Variants in RAP1GDS1 observed in about 807,000 individuals in gnomAD.
The protein encoded by RAP1GDS1 is Rap1 GTPase-GDP dissociation stimulator 1, also known as RAP1, GTP-GDP dissociation stimulator 1.
Under a neutral mutation model 71.1 loss-of-function variants are expected in RAP1GDS1, and 35 were observed. That is an observed-to-expected ratio of 0.49 (90% CI 0.38 to 0.65). The LOEUF (loss-of-function observed/expected upper bound fraction) is 0.65, where lower values mean the gene tolerates loss of function less well. Ranked by LOEUF, RAP1GDS1 falls within the 30% of genes least tolerant of loss-of-function variation. The pLI, the probability that RAP1GDS1 is intolerant of heterozygous loss-of-function variation, is 0.00. For synonymous variants in RAP1GDS1, 229 were observed against 243.1 expected (o/e 0.94, Z 0.54); for missense variants, 663 against 706.1 (o/e 0.94, Z 0.69).
intron 2 of RAP1GDS1, among the ~76,000 whole-genome samples, chr4:98,328,328 T>A (rs190754403): frequency 2.6e-5 from 4 of 152,228 alleles, no homozygotes; most frequent in Non-Finnish European, 5.9e-5. Context: ...AAAAGTAGCA[T>A]TGAGGTGCGT....
At chr4:98,387,941 A>T (rs976989314) in intron 5 of RAP1GDS1, among the ~76,000 whole-genome samples, 1 of 152,134 alleles carries the variant, frequency 6.6e-6, no homozygotes, top group Non-Finnish European at 1.5e-5. Flanking sequence ...TAGTTCTCAG[A>T]ATTTCTTCCT....
At chr4:98,292,107 A>G (rs975046963) in intron 1 of RAP1GDS1, among the ~76,000 whole-genome samples, 2 of 151,288 alleles carry the variant, frequency 1.3e-5, no homozygotes, top group South Asian at 2.1e-4. Context: ...GTTGAACCAC[A>G]TTATGGAGAT....
chr4:98,371,058 T>C (rs1355195872), intron 4 of RAP1GDS1, among the ~76,000 whole-genome samples: 2 of 152,280 alleles, frequency 1.3e-5, no homozygotes, highest in African/African-American at 4.8e-5. Context: ...AGTTTTTGTT[T>C]TATATATTCT....
At chr4:98,315,456 A>T (rs1730801176) in intron 2 of RAP1GDS1, among the ~76,000 whole-genome samples, 2 of 152,202 alleles carry the variant, frequency 1.3e-5, no homozygotes, top group South Asian at 4.1e-4. Flanking sequence ...GGTAAGTTTG[A>T]TAAGCAGAAC....
chr4:98,332,280 C>G (rs2110370504), intron 2 of RAP1GDS1, among the ~76,000 whole-genome samples: 1 of 152,278 alleles, frequency 6.6e-6, no homozygotes, highest in Non-Finnish European at 1.5e-5. Context: ...ACACGTGGAT[C>G]TTAGCAGCAG....
intron 6 of RAP1GDS1, chr4:98,396,525 A>G (rs1255101571): frequency 5.9e-5 from 9 of 152,222 alleles, no homozygotes; most frequent in Admixed American, 3.9e-4. Context: ...AGTCTATGTT[A>G]AAAGATAAAT....
intron 6 of RAP1GDS1, among the ~76,000 whole-genome samples, chr4:98,394,315 C>G (rs1254659894): frequency 6.6e-6 from 1 of 152,094 alleles, no homozygotes; most frequent in East Asian, 1.9e-4. Flanking sequence ...TCATCCACTT[C>G]TCAAATGAGA....
intron 2 of RAP1GDS1, among the ~76,000 whole-genome samples, chr4:98,297,498 C>T (rs1197513189): frequency 1.3e-5 from 2 of 152,134 alleles, no homozygotes; most frequent in South Asian, 2.1e-4. Flanking sequence ...GTAATTCTTG[C>T]AACATTTCAG....
intron 3 of RAP1GDS1, among the ~76,000 whole-genome samples, chr4:98,348,041 G>A (rs1736561139): frequency 6.6e-6 from 1 of 152,088 alleles, no homozygotes; most frequent in African/African-American, 2.4e-5. Context: ...ATGTACACAT[G>A]TGCCATGTTG....
intron 4 of RAP1GDS1, among the ~76,000 whole-genome samples, chr4:98,361,992 G>A (rs1738816867): frequency 6.6e-6 from 1 of 152,126 alleles, no homozygotes; most frequent in South Asian, 2.1e-4. Flanking sequence ...AATCTGGAAG[G>A]TGAATAAATT....
chr4:98,300,599 C>T (rs1016137143), intron 2 of RAP1GDS1, among the ~76,000 whole-genome samples: 2 of 152,040 alleles, frequency 1.3e-5, no homozygotes, highest in Admixed American at 1.3e-4. Context: ...TGGTGTTTCC[C>T]CATGTTGGCC....
chr4:98,353,553 A>G (rs932664390), intron 4 of RAP1GDS1, among the ~76,000 whole-genome samples: 10 of 152,204 alleles, frequency 6.6e-5, no homozygotes, highest in Non-Finnish European at 1.2e-4. Context: ...GATTGAAACT[A>G]TAGTTATAAC....
intron 12 of RAP1GDS1, among the ~76,000 whole-genome samples, chr4:98,428,814 A>T (rs968424679): frequency 6.6e-6 from 1 of 152,226 alleles, no homozygotes; most frequent in Non-Finnish European, 1.5e-5. Flanking sequence ...TAGATTTACC[A>T]TTTGATCCAG....
At chr4:98,303,053 A>T (rs1028174470) in intron 2 of RAP1GDS1, among the ~76,000 whole-genome samples, 1 of 152,092 alleles carries the variant, frequency 6.6e-6, no homozygotes, top group Non-Finnish European at 1.5e-5. Context: ...CTCAAATAAA[A>T]AAAAAAAAAA....
intron 5 of RAP1GDS1, among the ~76,000 whole-genome samples, chr4:98,390,559 A>G (rs1743455533): frequency 1.3e-5 from 2 of 152,130 alleles, no homozygotes; most frequent in South Asian, 4.1e-4. Flanking sequence ...TTAGCCAGTC[A>G]TCAGTTTTCA....
At chr4:98,390,824 T>C (rs1408874480) in intron 5 of RAP1GDS1, among the ~76,000 whole-genome samples, 1 of 152,162 alleles carries the variant, frequency 6.6e-6, no homozygotes, top group Non-Finnish European at 1.5e-5. Context: ...AAGTTTTGTC[T>C]TTAGATTGCA....
At chr4:98,269,151 G>C in intron 1 of RAP1GDS1, among the ~76,000 whole-genome samples, 1 of 58,888 alleles carries the variant, frequency 1.7e-5, no homozygotes, top group South Asian at 5.6e-4. Context: ...ATAAACCCAA[G>C]AATTTACAGT....
At chr4:98,361,775 A>G (rs1317060107) in intron 4 of RAP1GDS1, among the ~76,000 whole-genome samples, 1 of 152,220 alleles carries the variant, frequency 6.6e-6, no homozygotes, top group Non-Finnish European at 1.5e-5. Flanking sequence ...GTGTAAATGT[A>G]TATACACCTT....
At chr4:98,352,338 C>T in intron 3 of RAP1GDS1, 138 bp from the exon 4 acceptor site, 1 of 871,920 alleles carries the variant, frequency 1.1e-6, no homozygotes, top group Non-Finnish European at 1.7e-6. Flanking sequence ...GAAATGTACT[C>T]TTCAAATATT....
Sources: allele counts gnomAD v4.1 joint callset (sites outside exome capture counted in the v4.1 genomes callset), GRCh38; gene constraint gnomAD v4.1.1; transcripts MANE v1.5; gene names NCBI Gene and HGNC (gene_info 2026-07-23, HGNC 2026-07-21).